Variants in KCNC2 observed in about 807,000 individuals in gnomAD.
KCNC2 encodes voltage-gated potassium channel KCNC2.
KCNC2 carries 21 observed loss-of-function variants against 44.5 expected under a neutral mutation model. That is an observed-to-expected ratio of 0.47 (90% CI 0.33 to 0.68). The LOEUF (loss-of-function observed/expected upper bound fraction) is 0.68, where lower values mean the gene tolerates loss of function less well. Ranked by LOEUF, KCNC2 falls within the 30% of genes least tolerant of loss-of-function variation. The pLI is 0.01. For missense variants in KCNC2, 589 were observed against 826.2 expected (o/e 0.71, Z 3.52); for synonymous variants, 391 against 339.1 (o/e 1.15, Z -1.68).
chr12:75,121,479 T>C (rs1348296594), intron 2 of KCNC2, among the ~76,000 whole-genome samples: 3 of 152,168 alleles, frequency 2.0e-5, no homozygotes, highest in South Asian at 2.1e-4. Context: ...AGTTTTCATA[T>C]GAGCTAGGAA....
chr12:75,178,488 GT>G (rs1021298070), intron 2 of KCNC2, among the ~76,000 whole-genome samples: 5 of 151,930 alleles, frequency 3.3e-5, no homozygotes, highest in African/African-American at 1.2e-4. Context: ...TTAAAATTGT[GT>G]TTTGTTTACT....
In KCNC2 at chr12:75,041,012, A is replaced by T; in HGVS notation, c.*2093T>A. ...GCAGAGCACTCTCATGGGGAGCACC[A>T]GATGAGTTCCAGCCGCAGTTCTTTT... On this transcript the variant is annotated 3_prime_UTR_variant, in exon 5 of 5. Transcript: ENST00000549446. 1 of 988,454 alleles carries T rather than the reference A, an allele frequency of 1.0e-6. No homozygotes were observed. The highest frequency in any genetic ancestry group is 1.6e-6 in the Non-Finnish European group (1 of 639,126). 61.2% of individuals were successfully genotyped at this position (988,454 alleles called of 1,614,324 possible).
intron 2 of KCNC2, among the ~76,000 whole-genome samples, chr12:75,067,527 T>C (rs1054088465): frequency 3.3e-5 from 5 of 152,170 alleles, no homozygotes; most frequent in Admixed American, 2.0e-4. Flanking sequence ...TGGGGGAATA[T>C]GGAAAGGCTT....
chr12:75,161,807 T>C (rs1891143273), intron 2 of KCNC2, among the ~76,000 whole-genome samples: 1 of 151,676 alleles, frequency 6.6e-6, no homozygotes, highest in African/African-American at 2.4e-5. Flanking sequence ...AGCCTTATTC[T>C]CCTATCCATG....
intron 2 of KCNC2, among the ~76,000 whole-genome samples, chr12:75,156,156 T>C (rs980224146): frequency 3.3e-5 from 5 of 151,770 alleles, no homozygotes; most frequent in African/African-American, 4.8e-5. Context: ...GATGTGTCTA[T>C]ATTAGCTAGA....
chr12:75,146,252 T>C (rs140972078), intron 2 of KCNC2, among the ~76,000 whole-genome samples: 11 of 152,272 alleles, frequency 7.2e-5, no homozygotes, highest in Middle Eastern at 3.4e-3. Context: ...TACTGACTTT[T>C]ATTTTTCATC....
chr12:75,139,778 C>T (rs1889506267), intron 2 of KCNC2, among the ~76,000 whole-genome samples: 1 of 152,094 alleles, frequency 6.6e-6, no homozygotes, highest in African/African-American at 2.4e-5. Flanking sequence ...GTTGTGACAA[C>T]ATTAATTATT....
At chr12:75,163,453 G>C (rs185875467) in intron 2 of KCNC2, among the ~76,000 whole-genome samples, 1 of 151,726 alleles carries the variant, frequency 6.6e-6, no homozygotes, top group Admixed American at 6.6e-5. Flanking sequence ...TTTTCATTTG[G>C]AACAAATGCA....
At chr12:75,074,994 A>G (rs1363520229) in intron 2 of KCNC2, among the ~76,000 whole-genome samples, 1 of 152,234 alleles carries the variant, frequency 6.6e-6, no homozygotes, top group African/African-American at 2.4e-5. Context: ...GAAAAGGGAC[A>G]GAAATATGAA....
At chr12:75,202,633 A>G (rs1441618953) in intron 2 of KCNC2, among the ~76,000 whole-genome samples, 1 of 151,822 alleles carries the variant, frequency 6.6e-6, no homozygotes, top group Non-Finnish European at 1.5e-5. Flanking sequence ...TACAGTCTTC[A>G]TTATATTGTA....
At chr12:75,173,180 A>T (rs181959619) in intron 2 of KCNC2, among the ~76,000 whole-genome samples, 1 of 151,894 alleles carries the variant, frequency 6.6e-6, no homozygotes, top group Admixed American at 6.6e-5. Flanking sequence ...CACTATATCA[A>T]TAGAAAAAAT....
chr12:75,166,630 A>G (rs1891472967), intron 2 of KCNC2, among the ~76,000 whole-genome samples: 1 of 151,286 alleles, frequency 6.6e-6, no homozygotes, highest in South Asian at 2.1e-4. Flanking sequence ...ATCACAAGCA[A>G]TTAACATAGA....
At chr12:75,116,843 G>A (rs572574269) in intron 2 of KCNC2, among the ~76,000 whole-genome samples, 4 of 152,230 alleles carry the variant, frequency 2.6e-5, no homozygotes, top group South Asian at 4.1e-4. Context: ...CATGGTTGAT[G>A]CAACTAATTC....
chr12:75,208,706 C>T (rs1385054673), intron 1 of KCNC2, among the ~76,000 whole-genome samples: 1 of 151,642 alleles, frequency 6.6e-6, no homozygotes, highest in Non-Finnish European at 1.5e-5. Context: ...CACCTGCTCA[C>T]AGACCAAGCA....
At chr12:75,053,828 C>G (rs979877583) in intron 2 of KCNC2, among the ~76,000 whole-genome samples, 6 of 147,022 alleles carry the variant, frequency 4.1e-5, no homozygotes, top group African/African-American at 1.5e-4. Context: ...TATTTTTACT[C>G]TAAGAGGAAA....
rs1218333587 is a variant in KCNC2, at chr12:75,103,031, A to T, written c.688-51714T>A. Among the ~76,000 whole-genome samples the T allele has an allele frequency of 2.6e-5, 4 of 152,148 alleles. No individual in the cohort carries two copies. In the East Asian group the frequency reaches 7.7e-4, roughly 29 times the overall value. ...TGTCTCAAATGGGTGCAAGCATGAC[A>T]AACAGAAGATGTTAAGAGTAGATAT... On this transcript the variant is annotated intron_variant, in intron 2 of 4. Coordinates refer to ENST00000549446, the MANE Select transcript of KCNC2 (RefSeq NM_139137.4).
At chr12:75,057,283 A>G (rs140036523) in intron 2 of KCNC2, among the ~76,000 whole-genome samples, 96 of 152,002 alleles carry the variant, frequency 6.3e-4, no homozygotes, top group African/African-American at 2.1e-3. Flanking sequence ...TAATTTTGCC[A>G]TAATTAACGA....
chr12:75,130,511 T>G (rs1405440872), intron 2 of KCNC2, among the ~76,000 whole-genome samples: 2 of 152,126 alleles, frequency 1.3e-5, no homozygotes, highest in African/African-American at 4.8e-5. Flanking sequence ...GCACCAGTAA[T>G]AGGAAATGTT....
At chr12:75,073,258 CT>C (rs1883596928) in intron 2 of KCNC2, among the ~76,000 whole-genome samples, 1 of 152,100 alleles carries the variant, frequency 6.6e-6, no homozygotes. Flanking sequence ...GCATTCAGTT[CT>C]TTTTAAAATA....
Sources: gnomAD v4.1 joint callset for allele counts (sites outside exome capture counted in the v4.1 genomes callset) on GRCh38, gnomAD v4.1.1 for gene constraint, MANE v1.5 for transcripts, NCBI Gene and HGNC (gene_info 2026-07-23, HGNC 2026-07-21) for gene names.